The following ABLIM1 variants were observed in gnomAD, a reference collection of about 807,000 sequenced individuals.
ABLIM1 encodes actin binding LIM protein 1.
A neutral mutation model predicts 107.0 loss-of-function variants in ABLIM1; 40 were observed. The observed-to-expected ratio is 0.37, with a 90% confidence interval of 0.29 to 0.49. ABLIM1 has a LOEUF of 0.49. Among genes scored for constraint, ABLIM1 ranks in the 20% least tolerant of loss-of-function variants. ABLIM1 has a pLI of 0.97. For synonymous variants in ABLIM1, 357 were observed against 357.3 expected (o/e 1.00, Z 0.01); for missense variants, 857 against 1,008.5 (o/e 0.85, Z 2.04).
chr10:114,690,144 T>C (rs1413503061), intron 1 of ABLIM1: 3 of 1,352,972 alleles, frequency 2.2e-6, no homozygotes, highest in Non-Finnish European at 3.1e-6. Flanking sequence ...AAGTCAAACT[T>C]ATTCAAGTTG....
chr10:114,623,271 C>T (rs922592815), intron 1 of ABLIM1, among the ~76,000 whole-genome samples: 1 of 152,220 alleles, frequency 6.6e-6, no homozygotes, highest in African/African-American at 2.4e-5. Flanking sequence ...TTAATGTTGC[C>T]TTCTCCAAGT....
Position 114,448,007 on chromosome 10 carries a change from GGCTGCCAAGGCA to G in ABLIM1, c.1596_1607del (p.Ala533_Ala536del). ...TGATATCTTCTGAGGACTTGCTCTG[GGCTGCCAAGGCA>G]GCTGCATCTAGATGGGAATCAGGGG... On this transcript the variant is annotated inframe_deletion and splice_region_variant, in exon 15 of 23. Transcript: ENST00000533213. 5.6e-6 allele frequency: 9 copies of G among 1,613,902 alleles called. No homozygotes were observed. Among genetic ancestry groups the G allele is most frequent in the Admixed American group, 3.3e-5 (2 of 59,978 alleles).
chr10:114,684,139 C>A, intron 1 of ABLIM1: 1 of 736,550 alleles, frequency 1.4e-6, no homozygotes, highest in Non-Finnish European at 2.1e-6. Flanking sequence ...TGTACTATCA[C>A]AGAAATAGAT....
intron 1 of ABLIM1, among the ~76,000 whole-genome samples, chr10:114,729,238 C>T (rs2082024144): frequency 6.6e-6 from 1 of 152,090 alleles, no homozygotes; most frequent in East Asian, 1.9e-4. Context: ...TGTTCTCCAC[C>T]ATGACGCTCC....
chr10:114,592,699 C>T (rs1260805967), intron 2 of ABLIM1, among the ~76,000 whole-genome samples: 6 of 151,976 alleles, frequency 3.9e-5, no homozygotes, highest in Non-Finnish European at 5.9e-5. Flanking sequence ...GATAAATGGT[C>T]AGATTTTGTA....
intron 1 of ABLIM1, among the ~76,000 whole-genome samples, chr10:114,716,699 A>G (rs1302408355): frequency 6.6e-6 from 1 of 152,206 alleles, no homozygotes; most frequent in East Asian, 1.9e-4. Context: ...GGCAAAAGTG[A>G]GTCCTTTAAA....
At chr10:114,712,353 GAAAAAA>G (rs10583793) in intron 1 of ABLIM1, among the ~76,000 whole-genome samples, 2 of 44,088 alleles carry the variant, frequency 4.5e-5, no homozygotes, top group African/African-American at 1.8e-4. Context: ...ACTCCGTCTC[GAAAAAA>G]AAAAAAAAAA....
intron 1 of ABLIM1, among the ~76,000 whole-genome samples, chr10:114,746,967 T>C (rs1348208328): frequency 6.6e-6 from 1 of 152,242 alleles, no homozygotes; most frequent in Non-Finnish European, 1.5e-5. Flanking sequence ...TTATTAAGGG[T>C]ATTAATAAAC....
At chr10:114,722,968 G>A (rs1339606512) in intron 1 of ABLIM1, among the ~76,000 whole-genome samples, 40 of 152,142 alleles carry the variant, frequency 2.6e-4, no homozygotes, top group Admixed American at 2.6e-3. Flanking sequence ...TAGCTCGCTT[G>A]CAGACTGAGC....
intron 1 of ABLIM1, among the ~76,000 whole-genome samples, chr10:114,669,097 A>G (rs149528864): frequency 1.3e-3 from 193 of 152,342 alleles, no homozygotes; most frequent in Non-Finnish European, 2.4e-3. Flanking sequence ...AAAAATATGA[A>G]AACTGCCCAT....
intron 4 of ABLIM1, among the ~76,000 whole-genome samples, chr10:114,570,769 C>T (rs1008970677): frequency 1.3e-5 from 2 of 151,946 alleles, no homozygotes; most frequent in Non-Finnish European, 2.9e-5. Context: ...CTATCATACA[C>T]AGCTACTTTT....
intron 6 of ABLIM1, among the ~76,000 whole-genome samples, chr10:114,518,885 A>G (rs1429701455): frequency 6.6e-6 from 1 of 152,144 alleles, no homozygotes; most frequent in African/African-American, 2.4e-5. Context: ...ACAATCATCA[A>G]CAATCTTCCT....
the ABLIM1 span, chr10:114,775,835 T>C: frequency 6.6e-6 from 1 of 152,208 alleles, no homozygotes; most frequent in Non-Finnish European, 1.5e-5. Context: ...AAAAGAAGCA[T>C]CTAATACAAA....
intron 6 of ABLIM1, among the ~76,000 whole-genome samples, chr10:114,536,036 C>T (rs1173823227): frequency 6.6e-6 from 1 of 151,936 alleles, no homozygotes; most frequent in Non-Finnish European, 1.5e-5. Context: ...CTGTCTAATT[C>T]TAGAACATTT....
intron 1 of ABLIM1, among the ~76,000 whole-genome samples, chr10:114,617,522 C>T (rs1407096500): frequency 6.6e-6 from 1 of 152,064 alleles, no homozygotes; most frequent in Non-Finnish European, 1.5e-5. Context: ...CCCGCCTCGC[C>T]CTCCCAAAGT....
chr10:114,587,651 C>T lies in ABLIM1; in HGVS notation c.380-12052G>A, dbSNP rs116091452. ...TTGTTCAAATTAAGGTAACTGTCAACTCTAGCCACACCTGTGTCCTCACCG... is the reference window on the plus strand; with the variant it reads ...TTGTTCAAATTAAGGTAACTGTCAATTCTAGCCACACCTGTGTCCTCACCG... On this transcript the variant is annotated intron_variant, in intron 2 of 22. Transcript: ENST00000533213. Among the ~76,000 whole-genome samples, 597 of 152,294 alleles carry T rather than the reference C, an allele frequency of 3.9e-3. 5 individuals are homozygous for T. Among genetic ancestry groups the T allele is most frequent in the African/African-American group, 0.014 (573 of 41,566 alleles).
rs2081442480 is a variant in ABLIM1, at chr10:114,707,232, T to G, written c.-213+60829A>C. ...CCAAAGTTCTCCAGTAAGGGTTCAGTTTTTTGCTGTTGTTGCTGTTGATGG... is the reference window on the plus strand; with the variant it reads ...CCAAAGTTCTCCAGTAAGGGTTCAGGTTTTTGCTGTTGTTGCTGTTGATGG... On this transcript the variant is annotated intron_variant, in intron 1 of 15. Coordinates refer to the ABLIM1 transcript ENST00000651092. The surrounding 1 kb of genome is among the most constrained non-coding windows in gnomAD (Gnocchi z 4.1). 6.6e-6 allele frequency among the ~76,000 whole-genome samples: 1 copy of G among 152,060 alleles called. No homozygotes were observed. The highest frequency in any genetic ancestry group is 2.4e-5 in the African/African-American group (1 of 41,394).
intron 1 of ABLIM1, among the ~76,000 whole-genome samples, chr10:114,724,664 A>G (rs1306062426): frequency 3.3e-5 from 5 of 152,170 alleles, no homozygotes; most frequent in African/African-American, 1.2e-4. Context: ...ACCCTAATAA[A>G]GGCCAGGAGA....
At position 114,580,449 on chromosome 10, in the gene ABLIM1, G is replaced by A. The variant is rs983548424; in HGVS notation, c.380-4850C>T. ...GCTGGTCTTGAACTCTCGGCCTCAAGTGATCTTCCTGCCTTGGCCTCCCAA... is the reference window on the plus strand; with the variant it reads ...GCTGGTCTTGAACTCTCGGCCTCAAATGATCTTCCTGCCTTGGCCTCCCAA... On this transcript the variant is annotated intron_variant, in intron 2 of 22. Coordinates refer to ENST00000533213, the MANE Select transcript of ABLIM1 (RefSeq NM_002313.7). Among the ~76,000 whole-genome samples the A allele has an allele frequency of 3.3e-5, 5 of 152,190 alleles. No homozygotes were observed. The South Asian group carries it at 1.0e-3, about 32-fold the overall frequency.
Sources: gnomAD v4.1 joint callset for allele counts (sites outside exome capture counted in the v4.1 genomes callset) on GRCh38, gnomAD v4.1.1 for gene constraint, Gnocchi (gnomAD v3.1) non-coding constraint, MANE v1.5 for transcripts, NCBI Gene and HGNC (gene_info 2026-07-23, HGNC 2026-07-21) for gene names.